RBFOX1: variants seen among roughly 807,000 people sequenced by gnomAD.
RBFOX1 encodes the protein RNA binding protein fox-1 homolog 1.
A neutral mutation model predicts 57.7 loss-of-function variants in RBFOX1; 8 were observed. That is an observed-to-expected ratio of 0.14 (90% CI 0.08 to 0.25). The LOEUF (loss-of-function observed/expected upper bound fraction) is 0.25, where lower values mean the gene tolerates loss of function less well. Among genes scored for constraint, RBFOX1 ranks in the 10% least tolerant of loss-of-function variants. The probability of loss-of-function intolerance (pLI) is 1.00; values close to 1 mark genes in which losing one functional copy is unlikely to be tolerated. For synonymous variants in RBFOX1, 326 were observed against 222.4 expected (o/e 1.47, Z -4.15); for missense variants, 611 against 548.5 (o/e 1.11, Z -1.14).
chr16:6,485,248 CT>C (rs1166246262), intron 2 of RBFOX1, among the ~76,000 whole-genome samples: 3 of 152,100 alleles, frequency 2.0e-5, no homozygotes, highest in Non-Finnish European at 4.4e-5. Flanking sequence ...CGTGTGATGC[CT>C]CCCCTCTATT....
chr16:5,896,168 G>A (rs1438873964), intron 4 of RBFOX1, among the ~76,000 whole-genome samples: 6 of 152,180 alleles, frequency 3.9e-5, no homozygotes, highest in Non-Finnish European at 8.8e-5. Context: ...AGGCTGTGGA[G>A]CATGAATGGT....
chr16:7,691,214 G>A (rs1483709983), intron 14 of RBFOX1, among the ~76,000 whole-genome samples: 1 of 151,784 alleles, frequency 6.6e-6, no homozygotes, highest in Non-Finnish European at 1.5e-5. Context: ...ACTCTGCCTT[G>A]AAACAGATGT....
At chr16:5,279,282 G>A (rs998559968) in intron 1 of RBFOX1, among the ~76,000 whole-genome samples, 1 of 151,970 alleles carries the variant, frequency 6.6e-6, no homozygotes, top group African/African-American at 2.4e-5. Flanking sequence ...GGTTTTCATT[G>A]TCGAGGTTTT....
intron 3 of RBFOX1, among the ~76,000 whole-genome samples, chr16:6,895,955 G>C (rs1314867425): frequency 2.0e-5 from 3 of 151,538 alleles, no homozygotes; most frequent in African/African-American, 7.3e-5. Context: ...TATATTTGTG[G>C]GGTACCAAAG....
chr16:7,374,771 C>A (rs771017479), intron 4 of RBFOX1, among the ~76,000 whole-genome samples: 2 of 152,198 alleles, frequency 1.3e-5, no homozygotes, highest in Non-Finnish European at 2.9e-5. Context: ...TTCACAGCAT[C>A]AAGATATCCT....
intron 2 of RBFOX1, among the ~76,000 whole-genome samples, chr16:6,411,982 A>T (rs375983718): frequency 6.6e-6 from 1 of 152,066 alleles, no homozygotes; most frequent in African/African-American, 2.4e-5. Context: ...AAATACAAAA[A>T]TTAGCTGGGT....
intron 2 of RBFOX1, among the ~76,000 whole-genome samples, chr16:6,640,868 C>A (rs1167018235): frequency 6.6e-6 from 1 of 152,078 alleles, no homozygotes; most frequent in African/African-American, 2.4e-5. Context: ...AAGGCCAAGA[C>A]CCAAAACAAG....
intron 3 of RBFOX1, among the ~76,000 whole-genome samples, chr16:6,722,520 C>A (rs1182454624): frequency 5.6e-5 from 1 of 17,928 alleles, no homozygotes; most frequent in Non-Finnish European, 4.5e-3. Context: ...AAATACTTGG[C>A]ATTTTGCCAA....
intron 4 of RBFOX1, among the ~76,000 whole-genome samples, chr16:5,893,522 T>C (rs2058092727): frequency 6.6e-6 from 1 of 152,174 alleles, no homozygotes; most frequent in Non-Finnish European, 1.5e-5. Context: ...ATCTGTTTTA[T>C]CTGGCTAGGC....
chr16:6,366,582 T>G (rs1436623004), intron 2 of RBFOX1, among the ~76,000 whole-genome samples: 2 of 152,230 alleles, frequency 1.3e-5, no homozygotes. Flanking sequence ...CTAAGACCAC[T>G]GATACTTATG....
intron 8 of RBFOX1, 29 bp from the exon 9 acceptor site, chr16:7,597,342 G>C: frequency 6.4e-7 from 1 of 1,554,848 alleles, no homozygotes; most frequent in East Asian, 2.3e-5. Context: ...CCTAGAATAT[G>C]TGCTTACTTG....
chr16:7,346,195 T>C (rs1307199149), intron 4 of RBFOX1, among the ~76,000 whole-genome samples: 2 of 152,132 alleles, frequency 1.3e-5, no homozygotes, highest in South Asian at 2.1e-4. Flanking sequence ...CCATGGTGTA[T>C]ATGTGCGACA....
intron 3 of RBFOX1, among the ~76,000 whole-genome samples, chr16:6,989,353 T>A (rs901550770): frequency 6.6e-6 from 1 of 152,230 alleles, no homozygotes; most frequent in Non-Finnish European, 1.5e-5. Context: ...TCAGTCTGTC[T>A]TTTGAAGGAC....
chr16:5,308,077 C>T (rs1256145840), intron 1 of RBFOX1, among the ~76,000 whole-genome samples: 3 of 152,198 alleles, frequency 2.0e-5, no homozygotes, highest in East Asian at 1.9e-4. Flanking sequence ...TAGTGGCTCA[C>T]GCTTGTAATC....
At chr16:7,239,479 A>G (rs2093946708) in intron 4 of RBFOX1, among the ~76,000 whole-genome samples, 1 of 152,216 alleles carries the variant, frequency 6.6e-6, no homozygotes, top group Non-Finnish European at 1.5e-5. Flanking sequence ...AGCCTGGGCA[A>G]CAGAGCAAGA....
At chr16:7,460,422 T>C (rs1598961066) in intron 4 of RBFOX1, among the ~76,000 whole-genome samples, 1 of 131,768 alleles carries the variant, frequency 7.6e-6, no homozygotes, top group Non-Finnish European at 1.6e-5. Flanking sequence ...TGTGTGTATA[T>C]ACATATGTGT....
At chr16:6,843,915 A>G (rs1282456444) in intron 3 of RBFOX1, among the ~76,000 whole-genome samples, 1 of 152,136 alleles carries the variant, frequency 6.6e-6, no homozygotes, top group Non-Finnish European at 1.5e-5. Flanking sequence ...TGGGGGGGAA[A>G]TTACCAGAAT....
chr16:6,317,153 G>C, intron 2 of RBFOX1, 96 bp downstream of exon 2: 4 of 1,255,294 alleles, frequency 3.2e-6, no homozygotes, highest in Non-Finnish European at 3.3e-6. Flanking sequence ...GTTTGAAGTT[G>C]TTACAAAAAC....
At chr16:6,856,364 G>A (rs955628405) in intron 3 of RBFOX1, among the ~76,000 whole-genome samples, 1 of 152,130 alleles carries the variant, frequency 6.6e-6, no homozygotes, top group African/African-American at 2.4e-5. Context: ...CTAGGATGAT[G>A]AGTAGACTAT....
Sources: allele counts gnomAD v4.1 joint callset (sites outside exome capture counted in the v4.1 genomes callset), GRCh38; gene constraint gnomAD v4.1.1; transcripts MANE v1.5; gene names NCBI Gene and HGNC (gene_info 2026-07-23, HGNC 2026-07-21).